Variants in DDHD1 observed in about 807,000 individuals in gnomAD.
DDHD1 encodes the protein phospholipase DDHD1.
A neutral mutation model predicts 96.4 loss-of-function variants in DDHD1; 49 were observed. That is an observed-to-expected ratio of 0.51 (90% confidence interval 0.40 to 0.64). The LOEUF (loss-of-function observed/expected upper bound fraction) is 0.64. DDHD1 is among the 30% of genes least tolerant of loss of function. DDHD1 has a pLI of 0.00. For missense variants in DDHD1, 1,106 were observed against 1,161.2 expected (o/e 0.95, Z 0.69); for synonymous variants, 442 against 446.5 (o/e 0.99, Z 0.13).
chr14:53,044,993 A>T lies in DDHD1; in HGVS notation c.*1775T>A, dbSNP rs142920937. The T allele has an allele frequency of 6.6e-6, 1 of 152,344 alleles. No individual in the cohort carries two copies. Among genetic ancestry groups the T allele is most frequent in the Non-Finnish European group, 1.5e-5 (1 of 68,044 alleles). The allele number at this position is 152,344 out of a possible 1,614,324, so 9.4% of individuals were successfully genotyped here. The stretch of plus-strand genomic sequence containing the variant: ...ACCTAGTGGAAACCACTCAGAAGTG[A>T]GGGTTGTGTGCAACAGGGATGGCTA... On this transcript the variant is annotated 3_prime_UTR_variant, in exon 13 of 13. Coordinates refer to ENST00000673822, the MANE Select transcript of DDHD1 (RefSeq NM_001160148.2).
intron 1 of DDHD1, among the ~76,000 whole-genome samples, chr14:53,117,319 G>A (rs1388555940): frequency 6.6e-6 from 1 of 152,198 alleles, no homozygotes; most frequent in East Asian, 1.9e-4. Flanking sequence ...CTCACGGAGG[G>A]CAAGCTGAAG....
chr14:53,115,496 A>G (rs940008623), intron 1 of DDHD1, among the ~76,000 whole-genome samples: 1 of 152,256 alleles, frequency 6.6e-6, no homozygotes, highest in African/African-American at 2.4e-5. Context: ...GGTTATCTAC[A>G]AAGGGAAGCC....
At chr14:53,087,686 C>T (rs1886094534) in intron 4 of DDHD1, among the ~76,000 whole-genome samples, 2 of 152,164 alleles carry the variant, frequency 1.3e-5, no homozygotes. Context: ...ATATATAGCA[C>T]TAAATGCCCA....
At chr14:53,082,769 A>T (rs1315007437) in intron 4 of DDHD1, among the ~76,000 whole-genome samples, 2 of 151,560 alleles carry the variant, frequency 1.3e-5, no homozygotes, top group Non-Finnish European at 1.5e-5. Context: ...AAAAAAAAAA[A>T]AAAAAAGACA....
chr14:53,126,789 A>T (rs1358617484), intron 1 of DDHD1, among the ~76,000 whole-genome samples: 2 of 152,200 alleles, frequency 1.3e-5, no homozygotes, highest in Non-Finnish European at 2.9e-5. Context: ...TATTTGTTGA[A>T]TTAATGAAAT....
chr14:53,126,476 T>C (rs1162481414), intron 1 of DDHD1, among the ~76,000 whole-genome samples: 8 of 152,096 alleles, frequency 5.3e-5, no homozygotes, highest in Non-Finnish European at 1.2e-4. Flanking sequence ...CAGGTAATCC[T>C]CCCACTTCAG....
At chr14:53,115,361 C>T (rs1455890622) in intron 1 of DDHD1, among the ~76,000 whole-genome samples, 1 of 152,156 alleles carries the variant, frequency 6.6e-6, no homozygotes, top group Non-Finnish European at 1.5e-5. Context: ...CATTCAAATT[C>T]AGGAAACACA....
chr14:53,132,691 C>T (rs1029426000), intron 1 of DDHD1, among the ~76,000 whole-genome samples: 4 of 152,196 alleles, frequency 2.6e-5, no homozygotes, highest in Admixed American at 2.6e-4. Context: ...CAAGGATCCT[C>T]CATTATTAAT....
chr14:53,073,305 G>A lies in DDHD1; in HGVS notation c.1396+436C>T, dbSNP rs574959612. 3.3e-5 allele frequency among the ~76,000 whole-genome samples: 5 copies of A among 151,504 alleles called. No homozygotes were observed. The East Asian group carries it at 9.7e-4, about 29-fold the overall frequency. ...CAGGGAATGTACGAAAAACAACAAA[G>A]GAAAACAAAAAACCTGAGATTTTTA... On this transcript the variant is annotated intron_variant, in intron 5 of 12. Coordinates refer to ENST00000673822, the MANE Select transcript of DDHD1 (RefSeq NM_001160148.2).
intron 2 of DDHD1, among the ~76,000 whole-genome samples, chr14:53,101,142 T>C (rs1202933232): frequency 2.0e-5 from 3 of 152,162 alleles, no homozygotes; most frequent in Admixed American, 6.5e-5. Context: ...ACTAATGAAG[T>C]ATAAAATTTC....
At chr14:53,066,312 T>C (rs1884011466) in intron 6 of DDHD1, among the ~76,000 whole-genome samples, 1 of 152,068 alleles carries the variant, frequency 6.6e-6, no homozygotes, top group Non-Finnish European at 1.5e-5. Flanking sequence ...CCACCACGCC[T>C]GGCTAATTTT....
intron 3 of DDHD1, 59 bp from the exon 4 acceptor site, chr14:53,091,991 A>G (rs1478419724): frequency 2.7e-6 from 4 of 1,502,334 alleles, no homozygotes; most frequent in African/African-American, 2.8e-5. Context: ...CATTTCCACA[A>G]TATGTTAAAA....
rs1883004353 is a variant in DDHD1 at position 53,055,860 on chromosome 14, A to G, written c.2045T>C (p.Val682Ala). The G allele has an allele frequency of 6.2e-7, 1 of 1,613,684 alleles. No individual in the cohort carries two copies. Residue 682 changes from valine (V) to alanine (A), a missense_variant, in exon 10 of 13, where the codon GTC (valine) becomes GCC (alanine). Transcript: ENST00000673822. ...TGAAGTATTGTACCAGTGGATCTGG[A>G]CAGGTGAAATGTTGCTGTAGTGTTT... is the stretch of plus-strand genomic sequence containing the variant. The part of the protein sequence containing the change: ...ILKHYSNISP[V>A]QIHWYNTSNP...
At chr14:53,097,487 A>G (rs1886974858) in intron 2 of DDHD1, among the ~76,000 whole-genome samples, 1 of 152,002 alleles carries the variant, frequency 6.6e-6, no homozygotes. Context: ...TTCTTCTTTC[A>G]TGTGCCTTCT....
intron 6 of DDHD1, among the ~76,000 whole-genome samples, chr14:53,067,374 G>C (rs1595113796): frequency 6.6e-6 from 1 of 151,726 alleles, no homozygotes; most frequent in Non-Finnish European, 1.5e-5. Context: ...GGCCAGGCTG[G>C]TCTGAACTAC....
intron 12 of DDHD1, among the ~76,000 whole-genome samples, chr14:53,049,883 A>T (rs1286814873): frequency 6.6e-6 from 1 of 152,170 alleles, no homozygotes; most frequent in African/African-American, 2.4e-5. Flanking sequence ...TCACATACAT[A>T]GGCATATTTC....
At position 53,036,760 on chromosome 14, in the gene DDHD1, T is replaced by A. The variant is rs1438985041; in HGVS notation, c.*10008A>T. The stretch of plus-strand genomic sequence containing the variant: ...TGCAATTATTGAGAAACATATTGCT[T>A]TTGTGTTTTTTAATAAAAAATATTT... On this transcript the variant is annotated 3_prime_UTR_variant, in exon 13 of 13. Transcript: ENST00000673822. 1 of 152,108 alleles carries A rather than the reference T, an allele frequency of 6.6e-6. No individual in the cohort carries two copies. The highest frequency in any genetic ancestry group is 1.5e-5 in the Non-Finnish European group (1 of 68,006). The allele number at this position is 152,108 out of a possible 1,614,324, so 9.4% of individuals were successfully genotyped here.
chr14:53,064,163 T>C (rs1161653161), intron 6 of DDHD1, among the ~76,000 whole-genome samples: 1 of 152,136 alleles, frequency 6.6e-6, no homozygotes, highest in Non-Finnish European at 1.5e-5. Context: ...TAATATGCTT[T>C]GGATTTGGCT....
At chr14:53,137,142 CAT>C (rs749584414) in intron 1 of DDHD1, among the ~76,000 whole-genome samples, 1 of 152,008 alleles carries the variant, frequency 6.6e-6, no homozygotes, top group Non-Finnish European at 1.5e-5. Context: ...AAAAATAAAA[CAT>C]GTAACAAATG....
Sources: allele counts gnomAD v4.1 joint callset (sites outside exome capture counted in the v4.1 genomes callset), GRCh38; gene constraint gnomAD v4.1.1; transcripts MANE v1.5; gene names NCBI Gene and HGNC (gene_info 2026-07-23, HGNC 2026-07-21).